RPS6KA2: variants seen among roughly 807,000 people sequenced by gnomAD.
RPS6KA2 encodes the protein ribosomal protein S6 kinase A2, also known as ribosomal protein S6 kinase alpha-2.
A neutral mutation model predicts 91.8 loss-of-function variants in RPS6KA2; 42 were observed. That is an observed-to-expected ratio of 0.46 (90% CI 0.36 to 0.59). The LOEUF is 0.59. RPS6KA2 is among the 20% of genes least tolerant of loss of function. The pLI, the probability that RPS6KA2 is intolerant of heterozygous loss-of-function variation, is 0.00. For missense variants in RPS6KA2, 798 were observed against 978.5 expected, an observed-to-expected ratio of 0.82 and a Z score of 2.46; for synonymous variants, 414 against 393.6, an observed-to-expected ratio of 1.05 and a Z score of -0.61.
At chr6:166,802,944 G>GTATATATATATATA (rs201882418) in intron 2 of RPS6KA2, among the ~76,000 whole-genome samples, 1 of 133,772 alleles carries the variant, frequency 7.5e-6, no homozygotes, top group African/African-American at 2.8e-5. Context: ...GTGTGTGTGT[G>GTATATATATATATA]TATATATATA....
intron 2 of RPS6KA2, among the ~76,000 whole-genome samples, chr6:166,799,839 A>T (rs1779318704): frequency 6.6e-6 from 1 of 152,032 alleles, no homozygotes; most frequent in Admixed American, 6.6e-5. Flanking sequence ...GATTTCTGCG[A>T]TCTGGGTGCC....
intron 2 of RPS6KA2, among the ~76,000 whole-genome samples, chr6:166,724,099 GC>G (rs1790268137): frequency 6.6e-6 from 1 of 152,058 alleles, no homozygotes; most frequent in Non-Finnish European, 1.5e-5. Flanking sequence ...CTCTTTCTCT[GC>G]ATATATGTCA....
chr6:166,630,165 C>G (rs1460193603), upstream of RPS6KA2, among the ~76,000 whole-genome samples: 1 of 152,180 alleles, frequency 6.6e-6, no homozygotes, highest in Non-Finnish European at 1.5e-5. Flanking sequence ...AGGGCACTGT[C>G]AGGCAGCTGT....
intron 1 of RPS6KA2, among the ~76,000 whole-genome samples, chr6:166,592,210 G>A (rs1053957908): frequency 1.3e-5 from 2 of 152,192 alleles, no homozygotes; most frequent in African/African-American, 4.8e-5. Context: ...CGAGGGTCAT[G>A]GAGAAATCAA....
chr6:166,761,288 G>T lies in RPS6KA2; in HGVS notation c.123+96912C>A, dbSNP rs184531354. Among the ~76,000 whole-genome samples the T allele has an allele frequency of 4.5e-4, 68 of 152,266 alleles. 1 individual carries two copies. The East Asian group carries it at 0.01, about 22-fold the overall frequency. ...TCGAACTCCTGACCTCAAGTGATCT[G>T]CCCGCCTCAGCCTCCCAAAGTGCTG... On this transcript the variant is annotated intron_variant, in intron 2 of 21. Transcript: ENST00000503859.
intron 8 of RPS6KA2, among the ~76,000 whole-genome samples, chr6:166,497,699 G>A (rs1454561935): frequency 1.3e-5 from 2 of 152,244 alleles, no homozygotes; most frequent in Admixed American, 6.5e-5. Context: ...ACGAGGAGTA[G>A]GGTGTGGTGG....
intron 1 of RPS6KA2, among the ~76,000 whole-genome samples, chr6:166,567,436 T>A (rs1388439698): frequency 6.6e-6 from 1 of 152,122 alleles, no homozygotes; most frequent in African/African-American, 2.4e-5. Flanking sequence ...AGTGGCCACG[T>A]GAGAGCAGCT....
intron 6 of RPS6KA2, 91 bp from the exon 7 acceptor site, chr6:166,501,015 T>G: frequency 8.0e-7 from 1 of 1,249,728 alleles, no homozygotes; most frequent in African/African-American, 1.5e-5. Context: ...GCGGGGCAGC[T>G]GGGGGCGGAC....
chr6:166,619,234 G>C (rs1786536888), intron 1 of RPS6KA2, among the ~76,000 whole-genome samples: 1 of 152,196 alleles, frequency 6.6e-6, no homozygotes, highest in South Asian at 2.1e-4. Context: ...CTGTGTCTCG[G>C]GTTCTCTGGA....
At chr6:166,621,897 C>T (rs532230492) in intron 1 of RPS6KA2, among the ~76,000 whole-genome samples, 16 of 152,260 alleles carry the variant, frequency 1.1e-4, no homozygotes, top group Admixed American at 9.8e-4. Flanking sequence ...AGCCAGCAGC[C>T]CTGGAAGCTG....
intron 14 of RPS6KA2, among the ~76,000 whole-genome samples, chr6:166,446,713 G>A (rs1311454208): frequency 6.6e-6 from 1 of 152,206 alleles, no homozygotes; most frequent in East Asian, 1.9e-4. Flanking sequence ...TACTTGCAGA[G>A]GCACAAAATG....
intron 8 of RPS6KA2, among the ~76,000 whole-genome samples, chr6:166,496,201 A>G (rs1781779711): frequency 1.3e-5 from 2 of 151,914 alleles, no homozygotes; most frequent in African/African-American, 4.8e-5. Flanking sequence ...AATGCAAAAA[A>G]AATTAGCTGG....
chr6:166,534,241 A>G (rs1459937554), intron 2 of RPS6KA2, among the ~76,000 whole-genome samples: 1 of 151,272 alleles, frequency 6.6e-6, no homozygotes, highest in African/African-American at 2.4e-5. Flanking sequence ...AAAAAAAAAA[A>G]AAAAAGAAAG....
At chr6:166,466,871 TTCACTCAC>T (rs1256599279) in intron 11 of RPS6KA2, among the ~76,000 whole-genome samples, 2 of 146,618 alleles carry the variant, frequency 1.4e-5, no homozygotes, top group Non-Finnish European at 3.0e-5. Flanking sequence ...CCCTTACTCA[TTCACTCAC>T]TCACTCATTC....
chr6:166,819,352 C>T (rs1779846083), intron 2 of RPS6KA2, among the ~76,000 whole-genome samples: 7 of 152,150 alleles, frequency 4.6e-5, no homozygotes, highest in Admixed American at 4.6e-4. Context: ...CACATGTATA[C>T]AGTTGTACCT....
chr6:166,660,919 G>A (rs774237429), intron 2 of RPS6KA2, among the ~76,000 whole-genome samples: 20 of 152,032 alleles, frequency 1.3e-4, no homozygotes, highest in Middle Eastern at 3.2e-3. Flanking sequence ...CTTAAAATGC[G>A]TTCCTGCAAA....
chr6:166,552,863 A>G (rs546886000), intron 1 of RPS6KA2, among the ~76,000 whole-genome samples: 17 of 152,362 alleles, frequency 1.1e-4, no homozygotes, highest in Non-Finnish European at 2.1e-4. Context: ...TGGGCCGATA[A>G]CCACGCTGGT....
chr6:166,690,602 G>A lies in RPS6KA2; in HGVS notation c.124-151818C>T, dbSNP rs114733173. ...TCCTCTGACACCTCGATGCAGCTCC[G>A]TGAGCCTTGGTTTTCCTCTCTGTGG... On this transcript the variant is annotated intron_variant, in intron 2 of 21. Transcript: ENST00000503859. Among the ~76,000 whole-genome samples the A allele has an allele frequency of 5.3e-3, 813 of 152,228 alleles. 7 individuals carry two copies. Among genetic ancestry groups the A allele is most frequent in the African/African-American group, 0.019 (778 of 41,532 alleles).
At chr6:166,794,504 G>C (rs1779172618) in intron 2 of RPS6KA2, among the ~76,000 whole-genome samples, 1 of 151,326 alleles carries the variant, frequency 6.6e-6, no homozygotes, top group Non-Finnish European at 1.5e-5. Context: ...CCCATTACTG[G>C]GTATATACCC....
Sources: gnomAD v4.1 joint callset for allele counts (sites outside exome capture counted in the v4.1 genomes callset) on GRCh38, gnomAD v4.1.1 for gene constraint, MANE v1.5 for transcripts, NCBI Gene and HGNC (gene_info 2026-07-23, HGNC 2026-07-21) for gene names.